The following TBC1D9B variants were observed in gnomAD, a reference collection of about 807,000 sequenced individuals.
TBC1D9B encodes TBC1 domain family member 9B, also known as TBC1 domain family, member 9B (with GRAM domain).
A neutral mutation model predicts 121.1 loss-of-function variants in TBC1D9B; 87 were observed. That is an observed-to-expected ratio of 0.72 (90% CI 0.60 to 0.86). The LOEUF (loss-of-function observed/expected upper bound fraction) is 0.86, where lower values mean the gene tolerates loss of function less well. TBC1D9B is among the 40% of genes least tolerant of loss of function. TBC1D9B has a pLI of 0.00. For synonymous variants in TBC1D9B, 668 were observed against 670.1 expected, an observed-to-expected ratio of 1.00 and a Z score of 0.05; for missense variants, 1,540 against 1,628.6, an observed-to-expected ratio of 0.95 and a Z score of 0.94.
At chr5:179,880,326 C>T (rs1256432283) in intron 7 of TBC1D9B, among the ~76,000 whole-genome samples, 1 of 152,238 alleles carries the variant, frequency 6.6e-6, no homozygotes, top group African/African-American at 2.4e-5. Flanking sequence ...ATCATGGTGC[C>T]ACACCGGCCT....
At chr5:179,870,663 A>G in intron 15 of TBC1D9B, 168 bp from the exon 16 acceptor site, 1 of 1,054,496 alleles carries the variant, frequency 9.5e-7, no homozygotes, top group East Asian at 2.6e-5. Flanking sequence ...TCAGGCTGTC[A>G]TCAGCCCCTT....
rs543709806 is a variant in TBC1D9B, at chr5:179,903,793, G to A, written c.229+909C>T. 5.9e-5 allele frequency among the ~76,000 whole-genome samples: 9 copies of A among 152,248 alleles called. No individual in the cohort carries two copies. The East Asian group carries it at 1.7e-3, about 29-fold the overall frequency. On this transcript the variant is annotated intron_variant, in intron 2 of 20. Coordinates refer to ENST00000355235, the MANE Select transcript of TBC1D9B (RefSeq NM_015043.4). Reference sequence around the variant, plus strand: ...CTATGCTTGGGAGCCATTTTAAACAGCCAAGTCATCAGCAACGAGCACAAA... The same window carrying A: ...CTATGCTTGGGAGCCATTTTAAACAACCAAGTCATCAGCAACGAGCACAAA...
At position 179,865,493 on chromosome 5, in the gene TBC1D9B, G is replaced by C. The variant is rs566713527; in HGVS notation, c.2915-133C>G. On this transcript the variant is annotated intron_variant, in intron 19 of 20. Coordinates refer to ENST00000355235, the MANE Select transcript of TBC1D9B (RefSeq NM_015043.4). The surrounding 1 kb of genome is among the most constrained non-coding windows in gnomAD (Gnocchi z 5.1). Reference sequence around the variant, plus strand: ...CTATCATAAAACACCCTGGCGTTTGGGAAGGTGGTCATGGGAAAAAAACCC... The same window carrying C: ...CTATCATAAAACACCCTGGCGTTTGCGAAGGTGGTCATGGGAAAAAAACCC... The C allele has an allele frequency of 3.5e-6, 3 of 848,430 alleles. No homozygotes were observed. In the African/African-American group the frequency reaches 5.1e-5, roughly 14 times the overall value. 52.6% of individuals were successfully genotyped at this position (848,430 alleles called of 1,614,324 possible). A position where few individuals can be genotyped will look rare whatever the true frequency, so the allele number is the denominator to read the frequency against.
rs534104953 is a variant in TBC1D9B, at chr5:179,878,940, T to G, written c.1567+107A>C. 508 of 1,437,308 alleles carry G rather than the reference T, an allele frequency of 3.5e-4. 1 individual carries two copies. Among genetic ancestry groups the G allele is most frequent in the Admixed American group, 5.1e-4 (20 of 39,384 alleles). 89.0% of individuals were successfully genotyped at this position (1,437,308 alleles called of 1,614,324 possible). ...CCGGCTGTGTGAAAGAGCTGGGAGC[T>G]CCTGCCTGGCCAACTCCAGGCCGGC... On this transcript the variant is annotated intron_variant, in intron 9 of 20. Transcript: ENST00000355235.
Position 179,875,842 on chromosome 5 carries a change from G to A in TBC1D9B, c.1900+78C>T. The stretch of plus-strand genomic sequence containing the variant: ...GAACCCACGTGAAGCCTGGAGCTTG[G>A]CCTGGGAAGGGCTGCCACCCTCATG... On this transcript the variant is annotated intron_variant, in intron 11 of 20. Transcript: ENST00000355235. The surrounding 1 kb of genome is among the most constrained non-coding windows in gnomAD (Gnocchi z 4.5). 1 of 1,206,564 alleles carries A rather than the reference G, an allele frequency of 8.3e-7. No homozygotes were observed. Among genetic ancestry groups the A allele is most frequent in the Non-Finnish European group, 1.1e-6 (1 of 877,962 alleles). The allele number at this position is 1,206,564 out of a possible 1,614,324, so 74.7% of individuals were successfully genotyped here. A position where few individuals can be genotyped will look rare whatever the true frequency, so the allele number is the denominator to read the frequency against.
At chr5:179,884,747 C>T (rs1760629896) in intron 7 of TBC1D9B, among the ~76,000 whole-genome samples, 1 of 152,190 alleles carries the variant, frequency 6.6e-6, no homozygotes, top group African/African-American at 2.4e-5. Flanking sequence ...ATGAAATAAG[C>T]CAGGCACAAA....
chr5:179,900,050 C>T (rs1042322620), intron 2 of TBC1D9B, among the ~76,000 whole-genome samples: 10 of 152,102 alleles, frequency 6.6e-5, no homozygotes, highest in Admixed American at 1.3e-4. Flanking sequence ...GGCAGCATGG[C>T]GAAACCAAAA....
Position 179,865,825 on chromosome 5 carries a change from G to A in TBC1D9B, c.2914+13C>T, listed in dbSNP as rs762714306. On this transcript the variant is annotated intron_variant, in intron 19 of 20. Transcript: ENST00000355235. This position sits in a 1 kb window ranked among gnomAD's most constrained non-coding sequence, Gnocchi z 5.1. The stretch of plus-strand genomic sequence containing the variant: ...TGGGGTCTCTAAGAACAGCGGCAGA[G>A]AATGGCCTGTACCTCCTCTCTCCTC... 9 of 1,593,144 alleles carry A rather than the reference G, an allele frequency of 5.6e-6. No individual in the cohort carries two copies. The highest frequency in any genetic ancestry group is 6.8e-6 in the Non-Finnish European group (8 of 1,169,542).
chr5:179,871,710 C>T (rs1024905467), intron 14 of TBC1D9B, 180 bp from the exon 15 acceptor site: 59 of 586,110 alleles, frequency 1.0e-4, no homozygotes, highest in Non-Finnish European at 1.4e-4. Context: ...ATCCCTGGCC[C>T]CCCACCTACC....
intron 10 of TBC1D9B, among the ~76,000 whole-genome samples, chr5:179,876,822 G>C (rs1468295027): frequency 6.6e-6 from 1 of 152,110 alleles, no homozygotes; most frequent in East Asian, 1.9e-4. Flanking sequence ...TGTAATCCTA[G>C]CACTTTAGGA....
At chr5:179,899,378 C>T (rs1318422429) in intron 2 of TBC1D9B, 71 bp from the exon 3 acceptor site, 15 of 1,369,234 alleles carry the variant, frequency 1.1e-5, no homozygotes, top group African/African-American at 7.2e-5. Context: ...TTCAAAGAAG[C>T]GAGATGAAAG....
chr5:179,895,543 C>T (rs1238951671), intron 3 of TBC1D9B, among the ~76,000 whole-genome samples: 1 of 152,232 alleles, frequency 6.6e-6, no homozygotes, highest in African/African-American at 2.4e-5. Context: ...CATACTCCCT[C>T]ATGCTGCTGG....
At position 179,872,937 on chromosome 5, in the gene TBC1D9B, C is replaced by G; in HGVS notation, c.2370G>C (p.Arg790Ser). The G allele has an allele frequency of 6.2e-7, 1 of 1,613,912 alleles. No homozygotes were observed. The highest frequency in any genetic ancestry group is 1.3e-5 in the African/African-American group (1 of 74,986). The change falls in exon 14 of 21, where the codon AGG becomes AGC. Residue 790 changes from arginine to serine, a missense_variant. Transcript: ENST00000355235. ...CCTCCAAGGACTGGATCACTTTCAG[C>G]CTCTGTTTAAACCGCATCTGCTCAA... ...EDIEQMRFKQ[R>S]LKVIQSLEDT...
Position 179,899,304 on chromosome 5 carries a change from G to T in TBC1D9B, c.233C>A (p.Ser78Tyr), listed in dbSNP as rs756617664. The stretch of plus-strand genomic sequence containing the variant: ...GTGTTTTGTGATCTCTTTGCGGGAA[G>T]AACCTAGAAGAGGTTTGGTAAAGTA... Reference protein sequence around the residue: ...SQVYWTVACGSSRKEITKHWE... With the variant: ...SQVYWTVACGYSRKEITKHWE... Residue 78 changes from serine to tyrosine, a missense_variant, in exon 3 of 21, where the codon TCT (serine) becomes TAT (tyrosine). Transcript: ENST00000355235. 1.9e-6 allele frequency: 3 copies of T among 1,613,358 alleles called. No individual in the cohort carries two copies. The South Asian group carries it at 3.3e-5, about 18-fold the overall frequency.
chr5:179,877,961 G>A (rs1367839647), intron 10 of TBC1D9B, among the ~76,000 whole-genome samples: 1 of 152,194 alleles, frequency 6.6e-6, no homozygotes, highest in African/African-American at 2.4e-5. Context: ...TCTGGGGATG[G>A]ATGGCGGTGA....
At chr5:179,881,946 G>GTTTTTTTTTTGTTTTTTTT (rs1760554791) in intron 7 of TBC1D9B, among the ~76,000 whole-genome samples, 2 of 128,326 alleles carry the variant, frequency 1.6e-5, no homozygotes, top group African/African-American at 6.7e-5. Context: ...TATACCTTCC[G>GTTTTTTTTTTGTTTTTTTT]TTTTTTTTTT....
At chr5:179,879,022 C>A in intron 9 of TBC1D9B, 25 bp downstream of exon 9, 1 of 1,595,604 alleles carries the variant, frequency 6.3e-7, no homozygotes, top group South Asian at 1.1e-5. Flanking sequence ...TGAGCTGAGG[C>A]TGGGGGTGGC....
chr5:179,900,823 C>G (rs560585282), intron 2 of TBC1D9B, among the ~76,000 whole-genome samples: 1 of 152,196 alleles, frequency 6.6e-6, no homozygotes, highest in Non-Finnish European at 1.5e-5. Flanking sequence ...AAGAGCACTA[C>G]GGCACTATGC....
At chr5:179,906,915 G>A (rs908382097) in intron 1 of TBC1D9B, among the ~76,000 whole-genome samples, 6 of 152,240 alleles carry the variant, frequency 3.9e-5, no homozygotes, top group African/African-American at 1.4e-4. Context: ...AGCCAGCCGG[G>A]CTCCTGCAGT....
Sources: allele counts gnomAD v4.1 joint callset (sites outside exome capture counted in the v4.1 genomes callset), GRCh38; gene constraint gnomAD v4.1.1; non-coding constraint Gnocchi (gnomAD v3.1); transcripts MANE v1.5; gene names NCBI Gene and HGNC (gene_info 2026-07-23, HGNC 2026-07-21).